The following NXPE2 variants were observed in gnomAD, a reference collection of about 807,000 sequenced individuals.
NXPE2 encodes the protein neurexophilin and PC-esterase domain family member 2.
Under a neutral mutation model 34.4 loss-of-function variants are expected in NXPE2, and 34 were observed. The ratio of observed to expected loss-of-function variants is 0.99; its 90% confidence interval spans 0.75 to 1.31. The LOEUF (loss-of-function observed/expected upper bound fraction) is 1.31, where lower values mean the gene tolerates loss of function less well. Ranked by LOEUF, NXPE2 falls within the 40% of genes most tolerant of loss-of-function variation. The pLI is 0.00. For missense variants in NXPE2, 649 were observed against 672.5 expected (o/e 0.97, Z 0.39); for synonymous variants, 235 against 231.3 (o/e 1.02, Z -0.15).
chr11:114,719,527 A>G, the NXPE2 span, among the ~76,000 whole-genome samples: 2 of 152,156 alleles, frequency 1.3e-5, no homozygotes, highest in African/African-American at 4.8e-5. Flanking sequence ...TTCTGTTGTC[A>G]TTGTGCACAC....
chr11:114,638,353 T>A, the NXPE2 span, among the ~76,000 whole-genome samples: 14 of 152,054 alleles, frequency 9.2e-5, no homozygotes, highest in Admixed American at 9.2e-4. Context: ...GTTATTCTAG[T>A]TATCCATTCG....
chr11:114,800,560 G>A, the NXPE2 span, among the ~76,000 whole-genome samples: 2 of 152,054 alleles, frequency 1.3e-5, no homozygotes, highest in Admixed American at 6.6e-5. Context: ...TGCAAACCTC[G>A]TACCTAGTAA....
the NXPE2 span, among the ~76,000 whole-genome samples, chr11:114,780,391 T>C: frequency 6.6e-6 from 1 of 152,196 alleles, no homozygotes; most frequent in Non-Finnish European, 1.5e-5. Flanking sequence ...GAGCTGTGCC[T>C]GCAGGAAATG....
At chr11:114,481,077 T>G in the NXPE2 span, among the ~76,000 whole-genome samples, 1 of 152,150 alleles carries the variant, frequency 6.6e-6, no homozygotes, top group Non-Finnish European at 1.5e-5. Context: ...GCAGAACCCT[T>G]GTGCTGTTGT....
At chr11:114,525,407 G>A in the NXPE2 span, among the ~76,000 whole-genome samples, 1 of 152,036 alleles carries the variant, frequency 6.6e-6, no homozygotes, top group Non-Finnish European at 1.5e-5. Flanking sequence ...TCCTGTACTA[G>A]GCTGACCCAC....
the NXPE2 span, among the ~76,000 whole-genome samples, chr11:114,759,282 C>A: frequency 6.6e-6 from 1 of 152,186 alleles, no homozygotes; most frequent in Non-Finnish European, 1.5e-5. Flanking sequence ...CAGACCCAGG[C>A]CATCTAGGTT....
At chr11:114,653,345 T>C in the NXPE2 span, among the ~76,000 whole-genome samples, 1 of 152,212 alleles carries the variant, frequency 6.6e-6, no homozygotes. Context: ...GGTACTTTTA[T>C]TGTCCCTATA....
chr11:114,474,964 T>G, the NXPE2 span, among the ~76,000 whole-genome samples: 434 of 152,318 alleles, frequency 2.8e-3, 21 homozygotes, highest in East Asian at 0.07. Context: ...AACTGGTGAT[T>G]ATTCATGTAT....
chr11:114,616,661 C>G, the NXPE2 span, among the ~76,000 whole-genome samples: 1 of 151,718 alleles, frequency 6.6e-6, no homozygotes, highest in Non-Finnish European at 1.5e-5. Context: ...TGGGTAACCA[C>G]TGTTACCCGT....
At chr11:114,606,560 C>A in the NXPE2 span, among the ~76,000 whole-genome samples, 1 of 152,044 alleles carries the variant, frequency 6.6e-6, no homozygotes, top group Non-Finnish European at 1.5e-5. Context: ...CATGGGGAAC[C>A]ACTGTTACCT....
the NXPE2 span, among the ~76,000 whole-genome samples, chr11:114,610,848 A>T: frequency 2.0e-5 from 3 of 150,702 alleles, no homozygotes; most frequent in East Asian, 4.0e-4. Context: ...TATTGCCTCT[A>T]GGGTAACCAC....
the NXPE2 span, among the ~76,000 whole-genome samples, chr11:114,636,980 C>T: frequency 6.6e-6 from 1 of 152,054 alleles, no homozygotes; most frequent in African/African-American, 2.4e-5. Flanking sequence ...CTATTAGGTC[C>T]ACTTGGTGCA....
At chr11:114,676,991 C>T (rs1043192358), upstream of NXPE2, among the ~76,000 whole-genome samples, 2 of 151,956 alleles carry the variant, frequency 1.3e-5, no homozygotes, top group Non-Finnish European at 2.9e-5. Context: ...GGACATTATG[C>T]TGGGTAAAAT....
rs1565384352 is a variant in NXPE2, at chr11:114,691,546, T to TATA, written c.133-6499_133-6498insATA. On this transcript the variant is annotated intron_variant, in intron 2 of 5. Coordinates refer to ENST00000389586, the MANE Select transcript of NXPE2 (RefSeq NM_182495.6). ...AATCGTGCCCTCTCCCAGCACACAT[T>TATA]TACCTTCAGTGGTGGTGGAGACACT... Among the ~76,000 whole-genome samples, 11 of 151,390 alleles carry TATA rather than the reference T, an allele frequency of 7.3e-5. No individual in the cohort carries two copies. In the East Asian group the frequency reaches 1.8e-3, roughly 24 times the overall value.
At chr11:114,515,806 G>A in the NXPE2 span, among the ~76,000 whole-genome samples, 1 of 98,500 alleles carries the variant, frequency 1.0e-5, no homozygotes, top group African/African-American at 6.4e-5. Flanking sequence ...GGTTCAAGGT[G>A]TGGCCCTCAA....
At chr11:114,615,428 A>G in the NXPE2 span, among the ~76,000 whole-genome samples, 2 of 146,708 alleles carry the variant, frequency 1.4e-5, no homozygotes, top group African/African-American at 5.1e-5. Context: ...AGAATAAGTA[A>G]TGCCTCATGG....
At chr11:114,715,100 G>A in the NXPE2 span, among the ~76,000 whole-genome samples, 3 of 152,162 alleles carry the variant, frequency 2.0e-5, no homozygotes, top group Non-Finnish European at 4.4e-5. Flanking sequence ...AATAACACTG[G>A]TTGAGGATAG....
At chr11:114,631,127 G>A in the NXPE2 span, among the ~76,000 whole-genome samples, 1 of 151,966 alleles carries the variant, frequency 6.6e-6, no homozygotes. Flanking sequence ...GATTCTCAGG[G>A]ATCTAGAACT....
chr11:114,632,652 AAAAT>A, the NXPE2 span, among the ~76,000 whole-genome samples: 13 of 93,394 alleles, frequency 1.4e-4, no homozygotes, highest in African/African-American at 4.5e-4. Context: ...TAATAAATGT[AAAAT>A]AAATATATAG....
Sources: gnomAD v4.1 joint callset for allele counts (sites outside exome capture counted in the v4.1 genomes callset) on GRCh38, gnomAD v4.1.1 for gene constraint, MANE v1.5 for transcripts, NCBI Gene and HGNC (gene_info 2026-07-23, HGNC 2026-07-21) for gene names.